The following DBH variants were observed in gnomAD, a reference collection of about 807,000 sequenced individuals.
DBH encodes the protein dopamine beta-hydroxylase, also known as dopamine beta-hydroxylase (dopamine beta-monooxygenase).
Under a neutral mutation model 64.0 loss-of-function variants are expected in DBH, and 49 were observed. The ratio of observed to expected loss-of-function variants is 0.77; its 90% CI spans 0.61 to 0.97. The LOEUF is 0.97. DBH is among the 50% of genes least tolerant of loss of function. DBH has a pLI of 0.00. For missense variants in DBH, 828 were observed against 826.6 expected (o/e 1.00, Z -0.02); for synonymous variants, 343 against 347.1 (o/e 0.99, Z 0.13).
intron 1 of DBH, among the ~76,000 whole-genome samples, chr9:133,639,363 C>T (rs542748596): frequency 1.3e-5 from 2 of 152,304 alleles, no homozygotes; most frequent in South Asian, 4.1e-4. Context: ...TGGTTTCTCT[C>T]TCCTTTCCTG....
At position 133,657,072 on chromosome 9, in the gene DBH, TCAA is replaced by T. The variant is rs749596786; in HGVS notation, c.1570_1572del (p.Asn524del). 1.3e-5 allele frequency: 21 copies of T among 1,613,768 alleles called. No homozygotes were observed. The highest frequency in any genetic ancestry group is 1.8e-5 in the Non-Finnish European group (21 of 1,180,022). On this transcript the variant is annotated inframe_deletion, in exon 11 of 12. Transcript: ENST00000393056. ...TGGCTGTTCCTTGTCCCCACCAGGTTCAACAACGAGGATGTCTGCACCTGCCCT... is the reference window on the plus strand; with the variant it reads ...TGGCTGTTCCTTGTCCCCACCAGGTTCAACGAGGATGTCTGCACCTGCCCT...
chr9:133,640,064 A>C, intron 2 of DBH, 72 bp downstream of exon 2: 1 of 1,582,480 alleles, frequency 6.3e-7, no homozygotes, highest in Non-Finnish European at 8.7e-7. Flanking sequence ...TGCCAATGTC[A>C]TAGTACCTTT....
At position 133,642,530 on chromosome 9, in the gene DBH, C is replaced by T. The variant is rs1832130198; in HGVS notation, c.744+66C>T. ...CCTTCCTCCCGGGCCTGGGTTGTCC[C>T]TGACCCTGGAGAGCTGTCCACAGTC... On this transcript the variant is annotated intron_variant, in intron 3 of 11. Coordinates refer to ENST00000393056, the MANE Select transcript of DBH (RefSeq NM_000787.4). 4.5e-6 allele frequency: 7 copies of T among 1,541,092 alleles called. No homozygotes were observed. In the Admixed American group the frequency reaches 1.4e-4, roughly 30 times the overall value.
In DBH at chr9:133,636,402, C is replaced by T. The variant is rs770187471; in HGVS notation, c.31C>T (p.Pro11Ser). 3.1e-6 allele frequency: 5 copies of T among 1,611,272 alleles called. No homozygotes were observed. The East Asian group carries it at 1.1e-4, about 36-fold the overall frequency. Residue 11 changes from proline (P) to serine (S), a missense_variant, in exon 1 of 12, where the codon CCC becomes TCC. Transcript: ENST00000393056. ...CGCCCTCAGTCGCTGGGCCAGCCTG[C>T]CCGGCCCCAGCATGCGGGAGGCAGC... MPALSRWASL[P>S]GPSMREAAFM...
chr9:133,644,230 C>A lies in DBH; in HGVS notation c.934C>A (p.Pro312Thr). The change falls in exon 5 of 12, where the codon CCA becomes ACA. Residue 312 changes from proline (P) to threonine (T), a missense_variant. By Grantham distance (38) the Pro-to-Thr change is conservative. Coordinates refer to ENST00000393056, the MANE Select transcript of DBH (RefSeq NM_000787.4). ...TTGCCCCACACAGGCATTTTACTACCCAGAGGAAGCCGGCCTTGCCTTCGG... is the reference window on the plus strand; with the variant it reads ...TTGCCCCACACAGGCATTTTACTACACAGAGGAAGCCGGCCTTGCCTTCGG... ...WALGAKAFYYPEEAGLAFGGP... is the reference protein window; with the variant it reads ...WALGAKAFYYTEEAGLAFGGP... 6.2e-7 allele frequency: 1 copy of A among 1,614,074 alleles called. No individual in the cohort carries two copies. The highest frequency in any genetic ancestry group is 8.5e-7 in the Non-Finnish European group (1 of 1,179,898).
At position 133,644,503 on chromosome 9, in the gene DBH, G is replaced by C. The variant is rs112707625; in HGVS notation, c.1024+183G>C. 2.0e-3 allele frequency among the ~76,000 whole-genome samples: 298 copies of C among 152,338 alleles called. 1 individual carries two copies. Among genetic ancestry groups the C allele is most frequent in the African/African-American group, 6.9e-3 (288 of 41,582 alleles). On this transcript the variant is annotated intron_variant, in intron 5 of 11. Coordinates refer to ENST00000393056, the MANE Select transcript of DBH (RefSeq NM_000787.4). Reference sequence around the variant, plus strand: ...TCCATGGCTGTGGTGGGCTCCCAGGGACAGGACCTCGAGGGGCTCACTCCT... The same window carrying C: ...TCCATGGCTGTGGTGGGCTCCCAGGCACAGGACCTCGAGGGGCTCACTCCT...
Position 133,643,671 on chromosome 9 carries a change from T to A in DBH, c.921+82T>A. On this transcript the variant is annotated intron_variant, in intron 4 of 11. Transcript: ENST00000393056. The surrounding 1 kb of genome is among the most constrained non-coding windows in gnomAD (Gnocchi z 5.3). ...CACCTCTGTTTCCCCAGCTTCACCG[T>A]CTCAGAGGCTTCAAGAAGGGGCTCC... The A allele has an allele frequency of 6.6e-7, 1 of 1,525,564 alleles. No individual in the cohort carries two copies. 94.5% of individuals were successfully genotyped at this position (1,525,564 alleles called of 1,614,324 possible).
intron 2 of DBH, among the ~76,000 whole-genome samples, chr9:133,641,395 G>C (rs552336176): frequency 3.4e-4 from 52 of 152,294 alleles, no homozygotes; most frequent in East Asian, 1.9e-3. Context: ...CACCTCACAG[G>C]GGGAGGCCAA....
rs1832127963 is a variant in DBH, at chr9:133,642,404, C to G, written c.684C>G (p.Thr228=). The part of the protein sequence containing the change: ...APNIQIPSQE[T]TYWCYIKELP... ...ATATCCAGATCCCCAGCCAGGAGAC[C>G]ACGTACTGGTGCTACATTAAGGAGC... The change falls in exon 3 of 12, where the codon ACC becomes ACG. Residue 228 remains threonine (T), a synonymous_variant. Coordinates refer to ENST00000393056, the MANE Select transcript of DBH (RefSeq NM_000787.4). The G allele has an allele frequency of 6.2e-7, 1 of 1,613,924 alleles. No homozygotes were observed. The highest frequency in any genetic ancestry group is 1.6e-4 in the Middle Eastern group (1 of 6,062).
At chr9:133,644,344 C>T in intron 5 of DBH, 24 bp downstream of exon 5, 1 of 1,571,456 alleles carries the variant, frequency 6.4e-7, no homozygotes, top group Non-Finnish European at 8.8e-7. Flanking sequence ...CTGCCATCCT[C>T]CTCAGAAGCC....
At chr9:133,656,367 T>G in intron 9 of DBH, 156 bp from the exon 10 acceptor site, 1 of 956,216 alleles carries the variant, frequency 1.0e-6, no homozygotes, top group Non-Finnish European at 1.6e-6. Context: ...TGGTGGCAAT[T>G]CCTTGAGGGC....
chr9:133,646,680 C>T (rs1298138068), intron 5 of DBH, among the ~76,000 whole-genome samples: 1 of 144,804 alleles, frequency 6.9e-6, no homozygotes, highest in Admixed American at 6.7e-5. Flanking sequence ...CGTGCCACCA[C>T]ACCTGGCTAA....
rs1456350615 is a variant in DBH at position 133,657,093 on chromosome 9, C to A, written c.1586C>A (p.Thr529Asn). The change falls in exon 11 of 12, where the codon ACC becomes AAC. Residue 529 changes from threonine to asparagine, a missense_variant. Coordinates refer to ENST00000393056, the MANE Select transcript of DBH (RefSeq NM_000787.4). ...AGGTTCAACAACGAGGATGTCTGCACCTGCCCTCAGGCGTCCGTGTCTCAG... is the reference window on the plus strand; with the variant it reads ...AGGTTCAACAACGAGGATGTCTGCAACTGCCCTCAGGCGTCCGTGTCTCAG... ...INRFNNEDVC[T>N]CPQASVSQQF... 4 of 1,613,988 alleles carry A rather than the reference C, an allele frequency of 2.5e-6. No homozygotes were observed. Among genetic ancestry groups the A allele is most frequent in the Admixed American group, 1.7e-5 (1 of 60,028 alleles).
intron 10 of DBH, among the ~76,000 whole-genome samples, 168 bp downstream of exon 10, chr9:133,656,818 T>G (rs1241609568): frequency 6.6e-6 from 1 of 152,176 alleles, no homozygotes. Context: ...TGAGTCTGGA[T>G]TTGGCTTCAG....
intron 6 of DBH, among the ~76,000 whole-genome samples, chr9:133,648,449 T>C (rs1832209003): frequency 6.6e-6 from 1 of 152,252 alleles, no homozygotes; most frequent in Non-Finnish European, 1.5e-5. Flanking sequence ...TTCAGGAAGC[T>C]CTTGCAGGTG....
Position 133,658,590 on chromosome 9 carries a change from C to A in DBH, c.*143C>A. On this transcript the variant is annotated 3_prime_UTR_variant, in exon 12 of 12. Coordinates refer to ENST00000393056, the MANE Select transcript of DBH (RefSeq NM_000787.4). ...CAGACCACGCCCCTGCCTGAGACCACGGTCCAATCCAGCCTTCTTCCCCCA... is the reference window on the plus strand; with the variant it reads ...CAGACCACGCCCCTGCCTGAGACCAAGGTCCAATCCAGCCTTCTTCCCCCA... 1.0e-6 allele frequency: 1 copy of A among 970,128 alleles called. No individual in the cohort carries two copies. Among genetic ancestry groups the A allele is most frequent in the Non-Finnish European group, 1.5e-6 (1 of 684,908 alleles). The allele number at this position is 970,128 out of a possible 1,614,324, so 60.1% of individuals were successfully genotyped here.
chr9:133,652,125 TG>T (rs1484609954), intron 7 of DBH, 120 bp from the exon 8 acceptor site: 6 of 1,151,800 alleles, frequency 5.2e-6, no homozygotes, highest in Non-Finnish European at 6.5e-6. Context: ...CTGTAGAGGC[TG>T]GGGCAAAATG....
rs776264132 is a variant in DBH at position 133,657,435 on chromosome 9, A to AGAGAG, written c.1722+207_1722+211dup. The AGAGAG allele has an allele frequency of 6.2e-4, 237 of 383,566 alleles. 4 individuals carry two copies. The highest frequency in any genetic ancestry group is 1.0e-3 in the Non-Finnish European group (213 of 207,154). The allele number at this position is 383,566 out of a possible 1,614,324, so 23.8% of individuals were successfully genotyped here. ...AGAGAGGAGAGAGAGGAGAGAGAGGAGAGAGAGGAGAGAGAGGAGAGAGGG... is the reference window on the plus strand; with the variant it reads ...AGAGAGGAGAGAGAGGAGAGAGAGGAGAGAGGAGAGAGGAGAGAGAGGAGAGAGGG... On this transcript the variant is annotated intron_variant, in intron 11 of 11. Coordinates refer to ENST00000393056, the MANE Select transcript of DBH (RefSeq NM_000787.4).
chr9:133,639,779 C>T (rs1261958544), intron 1 of DBH, 67 bp from the exon 2 acceptor site: 1 of 1,526,436 alleles, frequency 6.6e-7, no homozygotes, highest in African/African-American at 1.4e-5. Context: ...CGGGGAATGC[C>T]CTCTTCCCCT....
Sources: allele counts gnomAD v4.1 joint callset (sites outside exome capture counted in the v4.1 genomes callset), GRCh38; gene constraint gnomAD v4.1.1; non-coding constraint Gnocchi (gnomAD v3.1); transcripts MANE v1.5; gene names NCBI Gene and HGNC (gene_info 2026-07-23, HGNC 2026-07-21).